Variants in MAGEL2 observed in about 807,000 individuals in gnomAD.
The protein encoded by MAGEL2 is MAGE-like protein 2.
For missense variants in MAGEL2, 1,830 were observed against 1,699.2 expected (o/e 1.08, Z -1.35); for synonymous variants, 792 against 721.7 (o/e 1.10, Z -1.56).
At position 23,647,263 on chromosome 15, in the gene MAGEL2, G is replaced by A; in HGVS notation, c.480C>T (p.Ala160=). The part of the protein sequence containing the change: ...SHPPPPGTPM[A]HPPPPGTPMA... Reference sequence around the variant, plus strand: ...TCGGGGTCCCCGGAGGAGGAGGATGGGCCATTGGGGTCCCCGGAGGGGGAG... The same window carrying A: ...TCGGGGTCCCCGGAGGAGGAGGATGAGCCATTGGGGTCCCCGGAGGGGGAG... The change falls in exon 1 of 1, where the codon GCC becomes GCT. Residue 160 remains alanine, a synonymous_variant. Coordinates refer to ENST00000650528, the MANE Select transcript of MAGEL2 (RefSeq NM_019066.5). 2.0e-6 allele frequency: 3 copies of A among 1,528,990 alleles called. No homozygotes were observed. The highest frequency in any genetic ancestry group is 2.6e-6 in the Non-Finnish European group (3 of 1,141,912). 94.7% of individuals were successfully genotyped at this position (1,528,990 alleles called of 1,614,324 possible).
rs1363849174 is a variant in MAGEL2 at position 23,645,231 on chromosome 15, G to A, written c.2512C>T (p.Pro838Ser). 1 of 1,613,754 alleles carries A rather than the reference G, an allele frequency of 6.2e-7. No individual in the cohort carries two copies. The highest frequency in any genetic ancestry group is 8.5e-7 in the Non-Finnish European group (1 of 1,179,894). Residue 838 changes from proline to serine, a missense_variant, in exon 1 of 1, where the codon CCA becomes TCA. Coordinates refer to ENST00000650528, the MANE Select transcript of MAGEL2 (RefSeq NM_019066.5). Reference sequence around the variant, plus strand: ...TTTGAGGCATTCATATTGGGCTGTGGGACCCATGGAACTGCAGGCAGGGCC... The same window carrying A: ...TTTGAGGCATTCATATTGGGCTGTGAGACCCATGGAACTGCAGGCAGGGCC... ...VEALPAVPWV[P>S]QPNMNASKAS...
Position 23,645,902 on chromosome 15 carries a change from G to A in MAGEL2, c.1841C>T (p.Ala614Val). 3 of 1,573,284 alleles carry A rather than the reference G, an allele frequency of 1.9e-6. No individual in the cohort carries two copies. The highest frequency in any genetic ancestry group is 2.3e-5 in the East Asian group (1 of 42,774). ...MEFQEVQQTQ[A>V]LAWQAQKAPT... Reference sequence around the variant, plus strand: ...GGCCTTCTGGGCCTGCCAGGCCAGCGCCTGTGTCTGCTGCACCTCCTGGAA... The same window carrying A: ...GGCCTTCTGGGCCTGCCAGGCCAGCACCTGTGTCTGCTGCACCTCCTGGAA... Residue 614 changes from alanine (A) to valine (V), a missense_variant, in exon 1 of 1, where the codon GCG (alanine) becomes GTG (valine). Coordinates refer to ENST00000650528, the MANE Select transcript of MAGEL2 (RefSeq NM_019066.5).
In MAGEL2 at chr15:23,644,859, T is replaced by C. The variant is rs368008966; in HGVS notation, c.2884A>G (p.Ser962Gly). The change falls in exon 1 of 1, where the codon AGC becomes GGC. Residue 962 changes from serine (S) to glycine (G), a missense_variant. Physicochemically the swap from Ser to Gly is moderately conservative, Grantham distance 56. Coordinates refer to ENST00000650528, the MANE Select transcript of MAGEL2 (RefSeq NM_019066.5). ...SRILSGWEGPSASWALSAWEG... is the reference protein window; with the variant it reads ...SRILSGWEGPGASWALSAWEG... ...CAGGCACTCAGGGCCCAGGATGCGCTGGGCCCTTCCCAGCCACTCAGGATC... is the reference window on the plus strand; with the variant it reads ...CAGGCACTCAGGGCCCAGGATGCGCCGGGCCCTTCCCAGCCACTCAGGATC... The C allele has an allele frequency of 6.3e-5, 102 of 1,612,258 alleles. No homozygotes were observed. The highest frequency in any genetic ancestry group is 8.0e-5 in the Non-Finnish European group (94 of 1,179,780).
Position 23,647,702 on chromosome 15 carries a change from G to T in MAGEL2, c.41C>A (p.Pro14Gln), listed in dbSNP as rs769643348. 1,273 of 1,487,800 alleles carry T rather than the reference G, an allele frequency of 8.6e-4. 1 individual carries two copies. The highest frequency in any genetic ancestry group is 1.1e-3 in the Non-Finnish European group (1,202 of 1,125,848). 92.2% of individuals were successfully genotyped at this position (1,487,800 alleles called of 1,614,324 possible). A position where few individuals can be genotyped will look rare whatever the true frequency, so the allele number is the denominator to read the frequency against. ...GACAGGCGGCTTCGGGGCCTCCGCC[G>T]GAGGACTCGAGTCACCCAGATTCTT... The part of the protein sequence containing the change: ...LSKNLGDSSP[P>Q]AEAPKPPVYS... Residue 14 changes from proline (P) to glutamine (Q), a missense_variant, in exon 1 of 1, where the codon CCG (proline) becomes CAG (glutamine). Physicochemically the swap from Pro to Gln is moderately conservative, Grantham distance 76 (BLOSUM62 -1). Coordinates refer to ENST00000650528, the MANE Select transcript of MAGEL2 (RefSeq NM_019066.5).
rs2140715296 is a variant in MAGEL2 at position 23,646,064 on chromosome 15, T to C, written c.1679A>G (p.Gln560Arg). The C allele has an allele frequency of 6.6e-7, 1 of 1,504,548 alleles. No homozygotes were observed. 93.2% of individuals were successfully genotyped at this position (1,504,548 alleles called of 1,614,324 possible). The part of the protein sequence containing the change: ...QVPAAPPAGP[Q>R]VPQPVLPAPL... The stretch of plus-strand genomic sequence containing the variant: ...GGCCGGCAGCACAGGCTGGGGCACC[T>C]GCGGGCCAGCGGGCGGCGCCGCGGG... Residue 560 changes from glutamine to arginine, a missense_variant, in exon 1 of 1, where the codon CAG (glutamine) becomes CGG (arginine). Physicochemically the swap from Gln to Arg is conservative, Grantham distance 43. Coordinates refer to ENST00000650528, the MANE Select transcript of MAGEL2 (RefSeq NM_019066.5). This position sits in a 1 kb window ranked among gnomAD's most constrained non-coding sequence, Gnocchi z 4.2.
rs1890364008 is a variant in MAGEL2 at position 23,645,056 on chromosome 15, T to A, written c.2687A>T (p.Glu896Val). Residue 896 changes from glutamate (E) to valine (V), a missense_variant, in exon 1 of 1, where the codon GAG becomes GTG. By Grantham distance (121) the Glu-to-Val change is moderately radical. Coordinates refer to ENST00000650528, the MANE Select transcript of MAGEL2 (RefSeq NM_019066.5). ...TRKKKHLEAQ[E>V]DSRGHTLAFH... ...GGCTAGCGTGTGGCCACGGCTGTCC[T>A]CTTGGGCTTCCAGATGCTTCTTCTT... 2 of 1,613,946 alleles carry A rather than the reference T, an allele frequency of 1.2e-6. No individual in the cohort carries two copies. The highest frequency in any genetic ancestry group is 1.7e-6 in the Non-Finnish European group (2 of 1,179,894).
rs1009945974 is a variant in MAGEL2 at position 23,646,752 on chromosome 15, G to C, written c.991C>G (p.Pro331Ala). ...PPAQPMASWA[P>A]QAQPLILQIQ... ...TGCAGGATCAGAGGCTGAGCCTGCG[G>C]GGCCCAAGAAGCCATCGGCTGTGCA... The change falls in exon 1 of 1, where the codon CCG (proline) becomes GCG (alanine). Residue 331 changes from proline to alanine, a missense_variant. Physicochemically the swap from Pro to Ala is conservative, Grantham distance 27 (BLOSUM62 -1). Transcript: ENST00000650528. The surrounding 1 kb of genome is among the most constrained non-coding windows in gnomAD (Gnocchi z 4.2). 3 of 1,535,066 alleles carry C rather than the reference G, an allele frequency of 2.0e-6. No individual in the cohort carries two copies. Among genetic ancestry groups the C allele is most frequent in the Non-Finnish European group, 2.6e-6 (3 of 1,146,228 alleles).
chr15:23,647,115 C>T lies in MAGEL2; in HGVS notation c.628G>A (p.Ala210Thr), dbSNP rs1890430574. Residue 210 changes from alanine to threonine, a missense_variant, in exon 1 of 1, where the codon GCT (alanine) becomes ACT (threonine). Physicochemically the swap from Ala to Thr is moderately conservative, Grantham distance 58. Coordinates refer to ENST00000650528, the MANE Select transcript of MAGEL2 (RefSeq NM_019066.5). ...AHPPPPGTPM[A>T]HPPPPGTPMA... Reference sequence around the variant, plus strand: ...GGTGTCCCCGGAGGTGGAGGATGAGCCATCGGTGTCCCCGGAGGGGGAGGA... The same window carrying T: ...GGTGTCCCCGGAGGTGGAGGATGAGTCATCGGTGTCCCCGGAGGGGGAGGA... 6.5e-7 allele frequency: 1 copy of T among 1,530,130 alleles called. No individual in the cohort carries two copies. Among genetic ancestry groups the T allele is most frequent in the Non-Finnish European group, 8.7e-7 (1 of 1,143,740 alleles). The allele number at this position is 1,530,130 out of a possible 1,614,324, so 94.8% of individuals were successfully genotyped here. A position where few individuals can be genotyped will look rare whatever the true frequency, so the allele number is the denominator to read the frequency against.
chr15:23,645,685 C>T lies in MAGEL2; in HGVS notation c.2058G>A (p.Trp686Ter). Residue 686 changes from tryptophan (W) to a stop codon, truncating the protein, a stop_gained, in exon 1 of 1, where the codon TGG becomes TGA. Coordinates refer to ENST00000650528, the MANE Select transcript of MAGEL2 (RefSeq NM_019066.5). LOFTEE classifies it low-confidence loss of function (END_TRUNC). ...CCTGCAAGACTGCAGGCGGTGCCTG[C>T]CAGGAAGGCTGGAGCGGCAGTGTGG... Reference protein sequence around the residue: ...EVPTLPLQPSWQAPPAVLQAQ... With the variant: ...EVPTLPLQPS 6.4e-7 allele frequency: 1 copy of T among 1,559,040 alleles called. No homozygotes were observed. Among genetic ancestry groups the T allele is most frequent in the African/African-American group, 1.4e-5 (1 of 73,356 alleles).
In MAGEL2 at chr15:23,645,731, G is replaced by A. The variant is rs534021588; in HGVS notation, c.2012C>T (p.Ser671Leu). The A allele has an allele frequency of 5.1e-6, 8 of 1,565,976 alleles. No homozygotes were observed. The highest frequency in any genetic ancestry group is 1.7e-4 in the Middle Eastern group (1 of 5,820). ...TGTGGGCACCTCCGCTTGCGGACCCGATGCCTGGGCCTGCTGGGGGGGTAG... is the reference window on the plus strand; with the variant it reads ...TGTGGGCACCTCCGCTTGCGGACCCAATGCCTGGGCCTGCTGGGGGGGTAG... ...IQLPPQQAQA[S>L]GPQAEVPTLP... The change falls in exon 1 of 1, where the codon TCG becomes TTG. Residue 671 changes from serine to leucine, a missense_variant. Coordinates refer to ENST00000650528, the MANE Select transcript of MAGEL2 (RefSeq NM_019066.5).
Position 23,645,443 on chromosome 15 carries a change from G to A in MAGEL2, c.2300C>T (p.Ala767Val). The A allele has an allele frequency of 6.2e-7, 1 of 1,613,944 alleles. No individual in the cohort carries two copies. The highest frequency in any genetic ancestry group is 1.3e-5 in the African/African-American group (1 of 75,068). ...GTTTTTCCAGGCAGCTGGCAGGTGTGCTCGCGCAGCTGACACTGCCTTGGG... is the reference window on the plus strand; with the variant it reads ...GTTTTTCCAGGCAGCTGGCAGGTGTACTCGCGCAGCTGACACTGCCTTGGG... The part of the protein sequence containing the change: ...CAPKAVSAAR[A>V]HLPAAWKNLP... The change falls in exon 1 of 1, where the codon GCA (alanine) becomes GTA (valine). Residue 767 changes from alanine (A) to valine (V), a missense_variant. Transcript: ENST00000650528.
In MAGEL2 at chr15:23,644,919, C is replaced by T. The variant is rs777917199; in HGVS notation, c.2824G>A (p.Gly942Ser). ...GDWEHPNTPR[G>S]LSGWEGPSTS... ...CTAGGGCCCTCCCAACCACTCAGGC[C>T]ACGGGGGGTGTTTGGGTGCTCCCAG... The change falls in exon 1 of 1, where the codon GGC becomes AGC. Residue 942 changes from glycine to serine, a missense_variant. Transcript: ENST00000650528. 6.2e-7 allele frequency: 1 copy of T among 1,613,468 alleles called. No homozygotes were observed. The highest frequency in any genetic ancestry group is 8.5e-7 in the Non-Finnish European group (1 of 1,179,878).
chr15:23,644,506 T>G lies in MAGEL2; in HGVS notation c.3237A>C (p.Glu1079Asp). Residue 1079 changes from glutamate (E) to aspartate (D), a missense_variant, in exon 1 of 1, where the codon GAA (glutamate) becomes GAC (aspartate). By Grantham distance (45) the Glu-to-Asp change is conservative. Coordinates refer to ENST00000650528, the MANE Select transcript of MAGEL2 (RefSeq NM_019066.5). The stretch of plus-strand genomic sequence containing the variant: ...TATAGGCGTGGTTTTTGGTATCAAT[T>G]TCTTTCAATTGATAACCAAAGGCAC... ...LECAFGYQLK[E>D]IDTKNHAYII... 6.2e-7 allele frequency: 1 copy of G among 1,613,882 alleles called. No homozygotes were observed. The highest frequency in any genetic ancestry group is 8.5e-7 in the Non-Finnish European group (1 of 1,179,876).
In MAGEL2 at chr15:23,645,719, G is replaced by T; in HGVS notation, c.2024C>A (p.Ala675Glu). The change falls in exon 1 of 1, where the codon GCG (alanine) becomes GAG (glutamate). Residue 675 changes from alanine to glutamate, a missense_variant. Ala to Glu is a moderately radical substitution (Grantham distance 107). Coordinates refer to ENST00000650528, the MANE Select transcript of MAGEL2 (RefSeq NM_019066.5). The part of the protein sequence containing the change: ...PQQAQASGPQ[A>E]EVPTLPLQPS... Reference sequence around the variant, plus strand: ...CTGGAGCGGCAGTGTGGGCACCTCCGCTTGCGGACCCGATGCCTGGGCCTG... The same window carrying T: ...CTGGAGCGGCAGTGTGGGCACCTCCTCTTGCGGACCCGATGCCTGGGCCTG... The T allele has an allele frequency of 6.4e-7, 1 of 1,562,214 alleles. No individual in the cohort carries two copies. The highest frequency in any genetic ancestry group is 8.6e-7 in the Non-Finnish European group (1 of 1,156,226).
chr15:23,647,469 C>T lies in MAGEL2; in HGVS notation c.274G>A (p.Ala92Thr). 1 of 1,533,582 alleles carries T rather than the reference C, an allele frequency of 6.5e-7. No individual in the cohort carries two copies. The highest frequency in any genetic ancestry group is 2.0e-5 in the Admixed American group (1 of 50,650). The allele number at this position is 1,533,582 out of a possible 1,614,324, so 95.0% of individuals were successfully genotyped here. ...CCCATCGGGCCCCCCAGCGGGGGAG[C>T]CGGGACTATCGGGCCCCCTAGGGCA... ...PPALGGPIVP[A>T]PPLGGPMGKP... The change falls in exon 1 of 1, where the codon GCT becomes ACT. Residue 92 changes from alanine to threonine, a missense_variant. Coordinates refer to ENST00000650528, the MANE Select transcript of MAGEL2 (RefSeq NM_019066.5).
At position 23,645,326 on chromosome 15, in the gene MAGEL2, C is replaced by G; in HGVS notation, c.2417G>C (p.Gly806Ala). The stretch of plus-strand genomic sequence containing the variant: ...TGGGGTCTCTGAGGCAGCAGAGGGG[C>G]CTTTAAAGGCATTCAGAGAGGCAGG... ...FQPASLNAFK[G>A]PSAASETPKS... The change falls in exon 1 of 1, where the codon GGC becomes GCC. Residue 806 changes from glycine (G) to alanine (A), a missense_variant. Transcript: ENST00000650528. 1 of 1,613,956 alleles carries G rather than the reference C, an allele frequency of 6.2e-7. No individual in the cohort carries two copies. The highest frequency in any genetic ancestry group is 1.3e-5 in the African/African-American group (1 of 75,054).
chr15:23,645,918 C>A lies in MAGEL2; in HGVS notation c.1825G>T (p.Val609Leu). 6.4e-7 allele frequency: 1 copy of A among 1,572,582 alleles called. No individual in the cohort carries two copies. The highest frequency in any genetic ancestry group is 8.6e-7 in the Non-Finnish European group (1 of 1,158,940). ...EIPTSMEFQE[V>L]QQTQALAWQA... ...CAGGCCAGCGCCTGTGTCTGCTGCA[C>A]CTCCTGGAATTCCATTGACGTTGGA... is the stretch of plus-strand genomic sequence containing the variant. Residue 609 changes from valine to leucine, a missense_variant, in exon 1 of 1, where the codon GTG becomes TTG. By Grantham distance (32) the Val-to-Leu change is conservative. Coordinates refer to ENST00000650528, the MANE Select transcript of MAGEL2 (RefSeq NM_019066.5).
rs1890400674 is a variant in MAGEL2, at chr15:23,646,282, G to A, written c.1461C>T (p.Arg487=). 3.7e-6 allele frequency: 5 copies of A among 1,361,908 alleles called. No homozygotes were observed. The highest frequency in any genetic ancestry group is 4.7e-6 in the Non-Finnish European group (5 of 1,068,574). The allele number at this position is 1,361,908 out of a possible 1,614,324, so 84.4% of individuals were successfully genotyped here. A position where few individuals can be genotyped will look rare whatever the true frequency, so the allele number is the denominator to read the frequency against. The change falls in exon 1 of 1, where the codon CGC becomes CGT. Residue 487 remains arginine, a synonymous_variant. Transcript: ENST00000650528. This position sits in a 1 kb window ranked among gnomAD's most constrained non-coding sequence, Gnocchi z 4.2. ...PVIRQAPPVI[R]QAPPLIRQAP... is the part of the protein sequence containing the mutation. ...CCTGGCGGATCAGCGGCGGGGCCTG[G>A]CGGATCACAGGTGGAGCCTGGCGGA...
At position 23,644,251 on chromosome 15, in the gene MAGEL2, C is replaced by T. The variant is rs1403295970; in HGVS notation, c.3492G>A (p.Gln1164=). ...KKLITEVFVR[Q]KYLEYRRIPY... ...GGATTCGCCTGTACTCTAGGTACTT[C>T]TGCCTGACAAACACTTCGGTGATGA... The change falls in exon 1 of 1, where the codon CAG becomes CAA. Residue 1164 remains glutamine, a synonymous_variant. Coordinates refer to ENST00000650528, the MANE Select transcript of MAGEL2 (RefSeq NM_019066.5). The T allele has an allele frequency of 6.2e-7, 1 of 1,613,794 alleles. No homozygotes were observed. The highest frequency in any genetic ancestry group is 8.5e-7 in the Non-Finnish European group (1 of 1,179,888).
Sources: gnomAD v4.1 joint callset for allele counts on GRCh38, gnomAD v4.1.1 for gene constraint, Gnocchi (gnomAD v3.1) non-coding constraint, MANE v1.5 for transcripts, NCBI Gene and HGNC (gene_info 2026-07-23, HGNC 2026-07-21) for gene names.